The following NTN4 variants were observed in gnomAD, a reference collection of about 807,000 sequenced individuals.
NTN4 encodes netrin-4.
In NTN4, 32 loss-of-function variants were observed where a neutral mutation model predicts 73.6. That is an observed-to-expected ratio of 0.44 (90% CI 0.33 to 0.58). The LOEUF (loss-of-function observed/expected upper bound fraction) is 0.58, where lower values mean the gene tolerates loss of function less well. Ranked by LOEUF, NTN4 falls within the 20% of genes least tolerant of loss-of-function variation. The pLI is 0.04. For missense variants in NTN4, 654 were observed against 798.3 expected (o/e 0.82, Z 2.18); for synonymous variants, 258 against 287.5 (o/e 0.90, Z 1.04).
chr12:95,703,257 C>T (rs1317013045), intron 5 of NTN4, among the ~76,000 whole-genome samples: 2 of 152,090 alleles, frequency 1.3e-5, no homozygotes, highest in Non-Finnish European at 1.5e-5. Flanking sequence ...ACTAGATTGC[C>T]CAAGCCTAGT....
chr12:95,764,922 C>T (rs997218330), intron 2 of NTN4, among the ~76,000 whole-genome samples: 2 of 152,038 alleles, frequency 1.3e-5, no homozygotes, highest in Non-Finnish European at 2.9e-5. Context: ...ATGAGGAGTG[C>T]CTATCCCTAA....
chr12:95,670,386 G>A (rs542991369), intron 7 of NTN4: 1 of 333,784 alleles, frequency 3.0e-6, no homozygotes, highest in African/African-American at 2.1e-5. Flanking sequence ...AAACAGTGAT[G>A]TATTTCAATG....
intron 2 of NTN4, among the ~76,000 whole-genome samples, chr12:95,775,341 A>G (rs544283300): frequency 6.6e-6 from 1 of 152,330 alleles, no homozygotes; most frequent in Non-Finnish European, 1.5e-5. Context: ...GGTGCAGGAC[A>G]GTGGGTGCAG....
At chr12:95,693,581 A>G (rs1460380257) in intron 5 of NTN4, among the ~76,000 whole-genome samples, 1 of 151,728 alleles carries the variant, frequency 6.6e-6, no homozygotes, top group African/African-American at 2.4e-5. Flanking sequence ...AAATACAAAA[A>G]TTAGCTGGGT....
chr12:95,790,143 CG>C lies in NTN4; in HGVS notation c.55+111del. 1 of 916,968 alleles carries C rather than the reference CG, an allele frequency of 1.1e-6. No homozygotes were observed. The highest frequency in any genetic ancestry group is 3.2e-5 in the East Asian group (1 of 31,202). 56.8% of individuals were successfully genotyped at this position (916,968 alleles called of 1,614,324 possible). On this transcript the variant is annotated intron_variant, in intron 1 of 9. Coordinates refer to ENST00000343702, the MANE Select transcript of NTN4 (RefSeq NM_021229.4). The surrounding 1 kb of genome is among the most constrained non-coding windows in gnomAD (Gnocchi z 6.5). ...GGAACATGGCCACTCATTTCACCCTCGGGAGCAGCGCTCTGCGCTCGCAGCC... is the reference window on the plus strand; with the variant it reads ...GGAACATGGCCACTCATTTCACCCTCGGAGCAGCGCTCTGCGCTCGCAGCC...
intron 2 of NTN4, among the ~76,000 whole-genome samples, chr12:95,770,952 T>A (rs562128650): frequency 6.6e-6 from 1 of 152,014 alleles, no homozygotes; most frequent in African/African-American, 2.4e-5. Context: ...TCTGTTTTTG[T>A]TTGCTCATTA....
At chr12:95,747,837 T>C (rs1002405401) in intron 2 of NTN4, among the ~76,000 whole-genome samples, 30 of 152,312 alleles carry the variant, frequency 2.0e-4, no homozygotes, top group African/African-American at 6.5e-4. Flanking sequence ...TAGGTACATA[T>C]TGCCTCACAA....
intron 2 of NTN4, among the ~76,000 whole-genome samples, chr12:95,751,274 C>A (rs2078905043): frequency 6.7e-6 from 1 of 149,526 alleles, no homozygotes; most frequent in Non-Finnish European, 1.5e-5. Flanking sequence ...ACAAACCCCA[C>A]AACAGGATTT....
Position 95,696,181 on chromosome 12 carries a change from C to T in NTN4, c.1181-12470G>A, listed in dbSNP as rs17041207. 7.4e-3 allele frequency among the ~76,000 whole-genome samples: 1,128 copies of T among 152,234 alleles called. 15 individuals are homozygous for T. Among genetic ancestry groups the T allele is most frequent in the African/African-American group, 0.026 (1,069 of 41,548 alleles). On this transcript the variant is annotated intron_variant, in intron 5 of 9. Coordinates refer to ENST00000343702, the MANE Select transcript of NTN4 (RefSeq NM_021229.4). Reference sequence around the variant, plus strand: ...CTTCGATCTCGCCTTTGAACTGATGCGGTTCATCCTGCCATAATCTGTCAT... The same window carrying T: ...CTTCGATCTCGCCTTTGAACTGATGTGGTTCATCCTGCCATAATCTGTCAT...
intron 2 of NTN4, among the ~76,000 whole-genome samples, chr12:95,759,491 G>GTTTTTTTTTT (rs61286357): frequency 1.5e-5 from 2 of 136,388 alleles, no homozygotes; most frequent in Non-Finnish European, 3.1e-5. Context: ...TAGTATTTTT[G>GTTTTTTTTTT]TTTTTTTTTT....
chr12:95,732,921 T>G (rs1357848576), intron 3 of NTN4, among the ~76,000 whole-genome samples: 1 of 152,220 alleles, frequency 6.6e-6, no homozygotes, highest in Non-Finnish European at 1.5e-5. Context: ...ACCTGCCTTA[T>G]ACAGCTAGGT....
At chr12:95,752,145 C>T (rs941635299) in intron 2 of NTN4, among the ~76,000 whole-genome samples, 2 of 152,052 alleles carry the variant, frequency 1.3e-5, no homozygotes, top group South Asian at 4.2e-4. Flanking sequence ...CCCCACTCAA[C>T]GCCAATATCC....
intron 3 of NTN4, among the ~76,000 whole-genome samples, chr12:95,715,231 G>A (rs1161978697): frequency 6.6e-6 from 1 of 152,096 alleles, no homozygotes; most frequent in Non-Finnish European, 1.5e-5. Context: ...TAAGCAATAT[G>A]TTGGTGGCCA....
At chr12:95,695,142 C>T (rs1284756114) in intron 5 of NTN4, among the ~76,000 whole-genome samples, 2 of 151,220 alleles carry the variant, frequency 1.3e-5, no homozygotes, top group Non-Finnish European at 2.9e-5. Context: ...AAAAAAATGA[C>T]GCTTGAATCA....
chr12:95,677,808 T>C (rs1050399728), intron 7 of NTN4, among the ~76,000 whole-genome samples: 7 of 152,132 alleles, frequency 4.6e-5, no homozygotes, highest in African/African-American at 1.7e-4. Context: ...ACCAGAAATA[T>C]CATTTGGCCC....
chr12:95,759,707 C>G (rs1164085048), intron 2 of NTN4, among the ~76,000 whole-genome samples: 1 of 152,138 alleles, frequency 6.6e-6, no homozygotes, highest in Non-Finnish European at 1.5e-5. Flanking sequence ...AGTGATCCAC[C>G]TGCCTCAGTC....
Position 95,687,396 on chromosome 12 carries a change from GTTTTT to G in NTN4, c.1181-3690_1181-3686del, listed in dbSNP as rs879823211. 3.7e-5 allele frequency among the ~76,000 whole-genome samples: 5 copies of G among 136,702 alleles called. No homozygotes were observed. The East Asian group carries it at 6.7e-4, about 18-fold the overall frequency. The allele number at this position is 136,702 out of a possible 152,430, so 89.7% of individuals were successfully genotyped here. ...TTGGTGAAAAAAAATTTTTTTTTTT[GTTTTT>G]TTGTTTTTTTGTTTTTTGTGATGGA... On this transcript the variant is annotated intron_variant, in intron 5 of 9. Coordinates refer to ENST00000343702, the MANE Select transcript of NTN4 (RefSeq NM_021229.4).
chr12:95,715,886 G>A (rs2078601469), intron 3 of NTN4, among the ~76,000 whole-genome samples: 1 of 152,052 alleles, frequency 6.6e-6, no homozygotes. Flanking sequence ...AAAAGTTGAT[G>A]ATTCTTTGTT....
chr12:95,736,819 G>T lies in NTN4; in HGVS notation c.864+1047C>A, dbSNP rs369859251. 4.3e-4 allele frequency among the ~76,000 whole-genome samples: 65 copies of T among 152,272 alleles called. 1 individual carries two copies. Among genetic ancestry groups the T allele is most frequent in the African/African-American group, 1.5e-3 (63 of 41,548 alleles). ...TAGTCATTTTAGTTACCCTGATGCT[G>T]CCCCAGCGACTCAGCCCAGCCAGCA... On this transcript the variant is annotated intron_variant, in intron 3 of 9. Coordinates refer to ENST00000343702, the MANE Select transcript of NTN4 (RefSeq NM_021229.4).
Sources: gnomAD v4.1 joint callset for allele counts (sites outside exome capture counted in the v4.1 genomes callset) on GRCh38, gnomAD v4.1.1 for gene constraint, Gnocchi (gnomAD v3.1) non-coding constraint, MANE v1.5 for transcripts, NCBI Gene and HGNC (gene_info 2026-07-23, HGNC 2026-07-21) for gene names.